The following BMS1 variants were observed in gnomAD, a reference collection of about 807,000 sequenced individuals.
BMS1 encodes the protein BMS1 ribosome biogenesis factor.
Under a neutral mutation model 138.7 loss-of-function variants are expected in BMS1, and 53 were observed. The observed-to-expected ratio is 0.38, with a 90% CI of 0.31 to 0.48. The LOEUF (loss-of-function observed/expected upper bound fraction) is 0.48. BMS1 is among the 20% of genes least tolerant of loss of function. The probability of loss-of-function intolerance (pLI) is 0.97; values close to 1 mark genes in which losing one functional copy is unlikely to be tolerated. For synonymous variants in BMS1, 504 were observed against 539.9 expected (o/e 0.93, Z 0.92); for missense variants, 1,360 against 1,565.5 (o/e 0.87, Z 2.22).
At chr10:42,797,363 C>T (rs1841722182) in intron 10 of BMS1, 59 bp from the exon 11 acceptor site, 1 of 1,597,284 alleles carries the variant, frequency 6.3e-7, no homozygotes, top group Non-Finnish European at 8.6e-7. Flanking sequence ...GTGGATGGAT[C>T]TCAAGGGAGG....
intron 4 of BMS1, among the ~76,000 whole-genome samples, chr10:42,787,774 A>G (rs1305307110): frequency 1.3e-5 from 2 of 152,186 alleles, no homozygotes; most frequent in Non-Finnish European, 2.9e-5. Flanking sequence ...CCTTAATGAT[A>G]ATGCTGAAGT....
Position 42,831,309 on chromosome 10 carries a change from A to T in BMS1, c.*213A>T. 1 of 537,074 alleles carries T rather than the reference A, an allele frequency of 1.9e-6. No homozygotes were observed. Among genetic ancestry groups the T allele is most frequent in the East Asian group, 3.1e-5 (1 of 32,582 alleles). 33.3% of individuals were successfully genotyped at this position (537,074 alleles called of 1,614,324 possible). On this transcript the variant is annotated 3_prime_UTR_variant, in exon 23 of 23. Transcript: ENST00000374518. ...GGGCTGTCGAGATTTAAAGTGATGTAAGCTGTGGTTATGTGGATTCTCTTA... is the reference window on the plus strand; with the variant it reads ...GGGCTGTCGAGATTTAAAGTGATGTTAGCTGTGGTTATGTGGATTCTCTTA...
intron 4 of BMS1, among the ~76,000 whole-genome samples, chr10:42,787,549 T>C (rs1052018732): frequency 6.6e-6 from 1 of 152,210 alleles, no homozygotes; most frequent in African/African-American, 2.4e-5. Flanking sequence ...CATATATACG[T>C]ACAAATATAT....
In BMS1 at chr10:42,822,152, T is replaced by C. The variant is rs777936072; in HGVS notation, c.3100T>C (p.Tyr1034His). 3 of 1,500,810 alleles carry C rather than the reference T, an allele frequency of 2.0e-6. No homozygotes were observed. The highest frequency in any genetic ancestry group is 2.3e-5 in the East Asian group (1 of 44,302). The allele number at this position is 1,500,810 out of a possible 1,614,324, so 93.0% of individuals were successfully genotyped here. A position where few individuals can be genotyped will look rare whatever the true frequency, so the allele number is the denominator to read the frequency against. The change falls in exon 19 of 23, where the codon TAT becomes CAT. Residue 1034 changes from tyrosine (Y) to histidine (H), a missense_variant. Physicochemically the swap from Tyr to His is moderately conservative, Grantham distance 83. This residue lies in a region of BMS1 where 425 missense variants were observed against 568.3 expected (regional missense o/e 0.75). Coordinates refer to ENST00000374518, the MANE Select transcript of BMS1 (RefSeq NM_014753.4). Reference protein sequence around the residue: ...VKKLKLTGFPYKIFKNTSFIK... With the variant: ...VKKLKLTGFPHKIFKNTSFIK... ...GAAATTAAAGCTAACTGGTTTTCCA[T>C]ATAAAATTTTCAAGAACACTTCATT...
chr10:42,830,816 G>A lies in BMS1; in HGVS notation c.3619-50G>A, dbSNP rs1219249036. 2.7e-6 allele frequency: 4 copies of A among 1,492,286 alleles called. No homozygotes were observed. In the Admixed American group the frequency reaches 7.9e-5, roughly 29 times the overall value. The allele number at this position is 1,492,286 out of a possible 1,614,324, so 92.4% of individuals were successfully genotyped here. A position where few individuals can be genotyped will look rare whatever the true frequency, so the allele number is the denominator to read the frequency against. ...TAGTCTTAGTGCTTAGGATGCGAGT[G>A]TGTGGTGTCTGAGAGCATTCTGATA... On this transcript the variant is annotated intron_variant, in intron 22 of 22. Transcript: ENST00000374518.
At chr10:42,795,159 A>G (rs896482602) in intron 9 of BMS1, among the ~76,000 whole-genome samples, 1 of 151,532 alleles carries the variant, frequency 6.6e-6, no homozygotes, top group African/African-American at 2.4e-5. Context: ...AATCCAGTCT[A>G]TCATTGTTGG....
intron 14 of BMS1, among the ~76,000 whole-genome samples, 158 bp downstream of exon 14, chr10:42,816,830 C>T (rs181849317): frequency 3.3e-5 from 5 of 152,252 alleles, no homozygotes; most frequent in Admixed American, 2.6e-4. Flanking sequence ...GAGAAGCTTT[C>T]TTGTTTACTT....
At chr10:42,790,628 C>G in intron 5 of BMS1, 117 bp downstream of exon 5, 1 of 1,127,066 alleles carries the variant, frequency 8.9e-7, no homozygotes, top group Non-Finnish European at 1.3e-6. Flanking sequence ...CAGAGGCGGT[C>G]GGATCACTTG....
chr10:42,790,919 T>C (rs564876963), intron 5 of BMS1, among the ~76,000 whole-genome samples: 1 of 152,294 alleles, frequency 6.6e-6, no homozygotes, highest in Non-Finnish European at 1.5e-5. Context: ...ATTTCCTTTG[T>C]GTGTGTATTC....
At chr10:42,829,595 C>T (rs1317161174) in intron 21 of BMS1, among the ~76,000 whole-genome samples, 39 of 152,056 alleles carry the variant, frequency 2.6e-4, no homozygotes, top group African/African-American at 9.2e-4. Flanking sequence ...AGGTGGATCA[C>T]CTGAGGTCAG....
At position 42,787,170 on chromosome 10, in the gene BMS1, A is replaced by G. The variant is rs1316422888; in HGVS notation, c.370A>G (p.Lys124Glu). The change falls in exon 4 of 23, where the codon AAA becomes GAA. Residue 124 changes from lysine to glutamate, a missense_variant and splice_region_variant. Around this residue, in one of 3 missense-constraint regions of BMS1, gnomAD observed 238 missense variants for 311.1 expected, o/e 0.77. Transcript: ENST00000374518. ...AATTTTCATCTTTTCACTTATAGGT[A>G]AAAAGCGCAGACTCACCATTATTGA... is the stretch of plus-strand genomic sequence containing the variant. ...IRGPVTIVSG[K>E]KRRLTIIECG... 4 of 1,144,148 alleles carry G rather than the reference A, an allele frequency of 3.5e-6. No homozygotes were observed. Among genetic ancestry groups the G allele is most frequent in the South Asian group, 1.2e-5 (1 of 80,044 alleles). 70.9% of individuals were successfully genotyped at this position (1,144,148 alleles called of 1,614,324 possible).
intron 9 of BMS1, among the ~76,000 whole-genome samples, chr10:42,795,327 C>T: frequency 6.8e-6 from 1 of 147,470 alleles, no homozygotes. Flanking sequence ...TTGGTGTATT[C>T]TTTTTTTTTT....
At chr10:42,818,015 G>A (rs1365113665) in intron 15 of BMS1, among the ~76,000 whole-genome samples, 1 of 152,214 alleles carries the variant, frequency 6.6e-6, no homozygotes, top group African/African-American at 2.4e-5. Context: ...CCTCCTGCCT[G>A]GGGATGCTGA....
chr10:42,801,698 T>G (rs762546712), intron 12 of BMS1, among the ~76,000 whole-genome samples: 2 of 152,370 alleles, frequency 1.3e-5, no homozygotes, highest in East Asian at 3.9e-4. Context: ...ATGCGTTGTT[T>G]ATATATTCTG....
chr10:42,803,492 C>A (rs1841931119), intron 13 of BMS1, among the ~76,000 whole-genome samples: 1 of 151,786 alleles, frequency 6.6e-6, no homozygotes, highest in Admixed American at 6.6e-5. Context: ...TCTGGGCCTT[C>A]TAGTTAATAT....
Position 42,820,949 on chromosome 10 carries a change from A to G in BMS1, c.2966A>G (p.Gln989Arg). The G allele has an allele frequency of 1.2e-6, 2 of 1,602,892 alleles. No individual in the cohort carries two copies. Among genetic ancestry groups the G allele is most frequent in the Non-Finnish European group, 1.7e-6 (2 of 1,177,962 alleles). ...GAAFWGPITP[Q>R]GTGFLAIQSV... The stretch of plus-strand genomic sequence containing the variant: ...TTCCTTTAAGGCCCTATCACTCCAC[A>G]GGGAACTGGTTTCTTGGCAATACAG... The change falls in exon 18 of 23, where the codon CAG becomes CGG. Residue 989 changes from glutamine (Q) to arginine (R), a missense_variant. Physicochemically the swap from Gln to Arg is conservative, Grantham distance 43. Around this residue, in one of 3 missense-constraint regions of BMS1, gnomAD observed 425 missense variants for 568.3 expected, o/e 0.75. Coordinates refer to ENST00000374518, the MANE Select transcript of BMS1 (RefSeq NM_014753.4).
intron 3 of BMS1, among the ~76,000 whole-genome samples, chr10:42,786,671 C>T (rs1841340596): frequency 6.6e-6 from 1 of 152,052 alleles, no homozygotes; most frequent in Non-Finnish European, 1.5e-5. Flanking sequence ...AGGGATCCGC[C>T]TGCCTTGGCC....
intron 12 of BMS1, 83 bp downstream of exon 12, chr10:42,798,708 C>A (rs1841775240): frequency 6.5e-7 from 1 of 1,548,202 alleles, no homozygotes; most frequent in Non-Finnish European, 8.8e-7. Context: ...ATATTGCTTA[C>A]CTGTTGTTGG....
chr10:42,802,121 G>T lies in BMS1; in HGVS notation c.2248-16G>T. 2 of 1,590,900 alleles carry T rather than the reference G, an allele frequency of 1.3e-6. No homozygotes were observed. The highest frequency in any genetic ancestry group is 2.3e-5 in the South Asian group (2 of 87,038). ...GATTGGAACACCTCACCTAAGTGCT[G>T]ACTTTTCTGCGTAAGGTTATGAACA... On this transcript the variant is annotated splice_polypyrimidine_tract_variant and intron_variant, in intron 12 of 22. Coordinates refer to ENST00000374518, the MANE Select transcript of BMS1 (RefSeq NM_014753.4).
Sources: allele counts gnomAD v4.1 joint callset (sites outside exome capture counted in the v4.1 genomes callset), GRCh38; gene constraint gnomAD v4.1.1; regional missense constraint gnomAD v4.1.1; transcripts MANE v1.5; gene names NCBI Gene and HGNC (gene_info 2026-07-23, HGNC 2026-07-21).